The following ADAMTS16 variants were observed in gnomAD, a reference collection of about 807,000 sequenced individuals.
The protein encoded by ADAMTS16 is ADAM metallopeptidase with thrombospondin type 1 motif 16, also known as A disintegrin and metalloproteinase with thrombospondin motifs 16.
In ADAMTS16, 94 loss-of-function variants were observed where a neutral mutation model predicts 145.8. That is an observed-to-expected ratio of 0.64 (90% CI 0.55 to 0.77). The LOEUF is 0.77. Among genes scored for constraint, ADAMTS16 ranks in the 30% least tolerant of loss-of-function variants. ADAMTS16 has a pLI of 0.00. For missense variants in ADAMTS16, 1,585 were observed against 1,591.5 expected (o/e 1.00, Z 0.07); for synonymous variants, 659 against 604.3 (o/e 1.09, Z -1.33).
chr5:5,232,600 CTTTT>C (rs748424956), intron 12 of ADAMTS16, 84 bp downstream of exon 12: 41,528 of 887,972 alleles, frequency 0.047, 20 homozygotes, highest in Middle Eastern at 0.053. Context: ...TGTCTCAGCT[CTTTT>C]TTTTTTTTTT....
chr5:5,292,186 G>A (rs1024578770), intron 18 of ADAMTS16, among the ~76,000 whole-genome samples: 5 of 152,118 alleles, frequency 3.3e-5, no homozygotes, highest in Admixed American at 6.5e-5. Flanking sequence ...TTCTGCAGTC[G>A]CAGTGATCTT....
intron 8 of ADAMTS16, among the ~76,000 whole-genome samples, chr5:5,193,629 C>T (rs992314536): frequency 2.6e-5 from 4 of 152,138 alleles, no homozygotes; most frequent in Admixed American, 6.5e-5. Flanking sequence ...TAGAGGCATC[C>T]GACACAAGGC....
At position 5,303,318 on chromosome 5, in the gene ADAMTS16, C is replaced by A; in HGVS notation, c.2840C>A (p.Ala947Asp). ...TGCAGTCGGACGTGTGGCGGGGGTGCCCAGAGCCGCCCCGTGCAGTGCACA... is the reference window on the plus strand; with the variant it reads ...TGCAGTCGGACGTGTGGCGGGGGTGACCAGAGCCGCCCCGTGCAGTGCACA... ...SACSRTCGGG[A>D]QSRPVQCTRR... The change falls in exon 19 of 23, where the codon GCC (alanine) becomes GAC (aspartate). Residue 947 changes from alanine to aspartate, a missense_variant. Physicochemically the swap from Ala to Asp is moderately radical, Grantham distance 126. Transcript: ENST00000274181. 1.3e-6 allele frequency: 2 copies of A among 1,597,326 alleles called. No homozygotes were observed. The highest frequency in any genetic ancestry group is 1.7e-6 in the Non-Finnish European group (2 of 1,171,270).
At position 5,181,998 on chromosome 5, in the gene ADAMTS16, C is replaced by T. The variant is rs781516759; in HGVS notation, c.502-46C>T. 2.8e-5 allele frequency: 44 copies of T among 1,557,786 alleles called. No individual in the cohort carries two copies. The Admixed American group carries it at 8.1e-4, about 29-fold the overall frequency. ...TTGGAGAATCGGCCCTGGCTTCAAC[C>T]AGAAAGTCTAATTGTGTTTTCTTTC... On this transcript the variant is annotated intron_variant, in intron 3 of 22. Transcript: ENST00000274181.
chr5:5,186,026 T>C (rs1023210221), intron 4 of ADAMTS16, 26 bp from the exon 5 acceptor site: 3 of 1,591,396 alleles, frequency 1.9e-6, no homozygotes, highest in Admixed American at 3.4e-5. Context: ...TGTGCTTCCA[T>C]TTGCCCTCCA....
At chr5:5,152,389 G>A (rs1220315147) in intron 3 of ADAMTS16, among the ~76,000 whole-genome samples, 1 of 152,202 alleles carries the variant, frequency 6.6e-6, no homozygotes, top group African/African-American at 2.4e-5. Context: ...AGGTATTCAG[G>A]GTTTCATTGC....
At chr5:5,267,609 G>A (rs1014600308) in intron 18 of ADAMTS16, among the ~76,000 whole-genome samples, 2 of 152,080 alleles carry the variant, frequency 1.3e-5, no homozygotes, top group East Asian at 1.9e-4. Context: ...TGTTTCTCTC[G>A]ATGTCAAATC....
At chr5:5,224,525 G>T (rs188542990) in intron 11 of ADAMTS16, among the ~76,000 whole-genome samples, 1 of 152,268 alleles carries the variant, frequency 6.6e-6, no homozygotes, top group East Asian at 1.9e-4. Context: ...CCTTGACCTC[G>T]TGATCCACCT....
At chr5:5,308,496 C>A (rs1246173330) in intron 21 of ADAMTS16, among the ~76,000 whole-genome samples, 1 of 152,180 alleles carries the variant, frequency 6.6e-6, no homozygotes, top group Non-Finnish European at 1.5e-5. Flanking sequence ...ATCAGCATAA[C>A]AAGCCCATCC....
At chr5:5,212,810 C>A (rs990323666) in intron 10 of ADAMTS16, among the ~76,000 whole-genome samples, 31 of 152,242 alleles carry the variant, frequency 2.0e-4, no homozygotes, top group African/African-American at 7.5e-4. Context: ...AGATTTCAAT[C>A]TACTGTTTTA....
At chr5:5,158,838 T>C (rs541908977) in intron 3 of ADAMTS16, among the ~76,000 whole-genome samples, 1 of 152,348 alleles carries the variant, frequency 6.6e-6, no homozygotes, top group Admixed American at 6.5e-5. Context: ...AGTTGTAATT[T>C]CTGTGCTTCA....
In ADAMTS16 at chr5:5,310,358, C is replaced by A. The variant is rs1740374353; in HGVS notation, c.3411+3630C>A. On this transcript the variant is annotated intron_variant, in intron 21 of 22. Coordinates refer to ENST00000274181, the MANE Select transcript of ADAMTS16 (RefSeq NM_139056.4). This position sits in a 1 kb window ranked among gnomAD's most constrained non-coding sequence, Gnocchi z 4.3. ...TGGTCATCTCTCCTCTGGAGAGGGA[C>A]CCCACACTGTGTCTCATTGGCAGCG... 6.6e-6 allele frequency among the ~76,000 whole-genome samples: 1 copy of A among 152,142 alleles called. No individual in the cohort carries two copies. Among genetic ancestry groups the A allele is most frequent in the Non-Finnish European group, 1.5e-5 (1 of 68,024 alleles).
At chr5:5,204,726 G>A (rs1736046913) in intron 9 of ADAMTS16, among the ~76,000 whole-genome samples, 1 of 152,144 alleles carries the variant, frequency 6.6e-6, no homozygotes, top group South Asian at 2.1e-4. Context: ...GCGATTACAA[G>A]GAACAGCACT....
At chr5:5,306,352 T>A in intron 20 of ADAMTS16, 152 bp from the exon 21 acceptor site, 1 of 698,002 alleles carries the variant, frequency 1.4e-6, no homozygotes, top group South Asian at 2.0e-5. Flanking sequence ...ATAGATTCTA[T>A]AATGTCTCTT....
chr5:5,219,613 G>A (rs1036303899), intron 10 of ADAMTS16, among the ~76,000 whole-genome samples: 3 of 152,234 alleles, frequency 2.0e-5, no homozygotes, highest in African/African-American at 7.2e-5. Context: ...TATGTTTTAA[G>A]TGTTGAAAGA....
chr5:5,263,012 G>C (rs530395132), intron 18 of ADAMTS16, among the ~76,000 whole-genome samples: 1 of 152,206 alleles, frequency 6.6e-6, no homozygotes, highest in African/African-American at 2.4e-5. Flanking sequence ...TTAGAATGGC[G>C]TCCTGTTTGT....
chr5:5,197,362 T>A (rs1435285514), intron 8 of ADAMTS16, among the ~76,000 whole-genome samples: 1 of 152,224 alleles, frequency 6.6e-6, no homozygotes, highest in Admixed American at 6.5e-5. Context: ...TTCAATTTAA[T>A]CTGAAATTAG....
At chr5:5,225,156 G>A (rs1255503745) in intron 11 of ADAMTS16, among the ~76,000 whole-genome samples, 1 of 152,150 alleles carries the variant, frequency 6.6e-6, no homozygotes, top group Non-Finnish European at 1.5e-5. Flanking sequence ...GACTCTGTAA[G>A]CCAAAGCAAA....
At chr5:5,316,567 C>T (rs1734064922) in intron 21 of ADAMTS16, among the ~76,000 whole-genome samples, 1 of 152,152 alleles carries the variant, frequency 6.6e-6, no homozygotes, top group Non-Finnish European at 1.5e-5. Context: ...GGGTCCTGCT[C>T]ATGTTCTGTG....
Sources: allele counts gnomAD v4.1 joint callset (sites outside exome capture counted in the v4.1 genomes callset), GRCh38; gene constraint gnomAD v4.1.1; non-coding constraint Gnocchi (gnomAD v3.1); transcripts MANE v1.5; gene names NCBI Gene and HGNC (gene_info 2026-07-23, HGNC 2026-07-21).